SLC28A3: variants seen among roughly 807,000 people sequenced by gnomAD.
SLC28A3 encodes concentrative Na(+)-nucleoside cotransporter 3.
Under a neutral mutation model 84.2 loss-of-function variants are expected in SLC28A3, and 68 were observed. The observed-to-expected ratio is 0.81, with a 90% confidence interval of 0.66 to 0.99. The LOEUF (loss-of-function observed/expected upper bound fraction) is 0.99, where lower values mean the gene tolerates loss of function less well. Among genes scored for constraint, SLC28A3 ranks in the 50% least tolerant of loss-of-function variants. The pLI is 0.00. For missense variants in SLC28A3, 712 were observed against 841.5 expected, an observed-to-expected ratio of 0.85 and a Z score of 1.90; for synonymous variants, 267 against 303.6, an observed-to-expected ratio of 0.88 and a Z score of 1.25.
Position 84,329,575 on chromosome 9 carries a change from A to G in SLC28A3, c.60+10999T>C, listed in dbSNP as rs892864310. ...ATGAGGAAATTAAGCACACTCCTAA[A>G]TAACCAATGGATTAAAGAAGAAATC... On this transcript the variant is annotated intron_variant, in intron 1 of 17. Coordinates refer to ENST00000376238, the MANE Select transcript of SLC28A3 (RefSeq NM_001199633.2). 3.9e-5 allele frequency among the ~76,000 whole-genome samples: 6 copies of G among 152,332 alleles called. No individual in the cohort carries two copies. The South Asian group carries it at 8.3e-4, about 21-fold the overall frequency.
chr9:84,336,911 T>C (rs1011406997), intron 1 of SLC28A3, among the ~76,000 whole-genome samples: 5 of 152,172 alleles, frequency 3.3e-5, no homozygotes, highest in African/African-American at 1.2e-4. Context: ...CTGACCATCC[T>C]TAAAGCCCTA....
intron 6 of SLC28A3, among the ~76,000 whole-genome samples, chr9:84,298,578 T>C (rs117077680): frequency 6.6e-6 from 1 of 152,190 alleles, no homozygotes; most frequent in African/African-American, 2.4e-5. Context: ...TAAGTAACCA[T>C]TATGTCCTGA....
At chr9:84,308,519 C>G (rs1200084951) in intron 3 of SLC28A3, among the ~76,000 whole-genome samples, 1 of 151,584 alleles carries the variant, frequency 6.6e-6, no homozygotes, top group African/African-American at 2.4e-5. Flanking sequence ...GCACTCCAGC[C>G]TGGGCAACAG....
chr9:84,329,620 A>T (rs1035895670), intron 1 of SLC28A3, among the ~76,000 whole-genome samples: 3 of 152,124 alleles, frequency 2.0e-5, no homozygotes, highest in African/African-American at 7.2e-5. Context: ...GTTAGAAAAT[A>T]GTTTGATAAT....
At position 84,325,443 on chromosome 9, in the gene SLC28A3, C is replaced by T. The variant is rs560222649; in HGVS notation, c.61-11989G>A. Among the ~76,000 whole-genome samples, 6 of 152,248 alleles carry T rather than the reference C, an allele frequency of 3.9e-5. No homozygotes were observed. The South Asian group carries it at 8.3e-4, about 21-fold the overall frequency. ...ATTTTAAATGTTCATTTGAAATGTT[C>T]GGAAGATGGAGTGACTCCCTGACCC... On this transcript the variant is annotated intron_variant, in intron 1 of 17. Transcript: ENST00000376238.
intron 1 of SLC28A3, among the ~76,000 whole-genome samples, chr9:84,319,268 C>G (rs1056699760): frequency 6.6e-6 from 1 of 152,142 alleles, no homozygotes; most frequent in Non-Finnish European, 1.5e-5. Flanking sequence ...TTAACCATAT[C>G]AAGAATAAGA....
At chr9:84,336,375 A>G (rs1738667225) in intron 1 of SLC28A3, among the ~76,000 whole-genome samples, 1 of 152,116 alleles carries the variant, frequency 6.6e-6, no homozygotes. Context: ...GTGGTGGCAT[A>G]TGCCTGTAAA....
rs1163462636 is a variant in SLC28A3, at chr9:84,288,080, T to A, written c.1248A>T (p.Ile416=). 15 of 1,613,976 alleles carry A rather than the reference T, an allele frequency of 9.3e-6. No homozygotes were observed. Among genetic ancestry groups the A allele is most frequent in the Non-Finnish European group, 1.2e-5 (14 of 1,179,960 alleles). The change falls in exon 12 of 18, where the codon ATA becomes ATT. Residue 416 remains isoleucine, a synonymous_variant. Transcript: ENST00000376238. ...LFWPETEKPK[I]TLKNAMKMES... is the part of the protein sequence containing the mutation. ...CCATTTTCATGGCATTCTTGAGGGTTATTTTAGGTTTTTCTGTCTCAGGCC... is the reference window on the plus strand; with the variant it reads ...CCATTTTCATGGCATTCTTGAGGGTAATTTTAGGTTTTTCTGTCTCAGGCC...
intron 1 of SLC28A3, among the ~76,000 whole-genome samples, chr9:84,326,645 C>CAACAAA (rs1826561435): frequency 3.5e-5 from 1 of 28,858 alleles, no homozygotes; most frequent in Non-Finnish European, 1.1e-4. Context: ...ACAACAACAA[C>CAACAAA]AACAACAACA....
intron 1 of SLC28A3, among the ~76,000 whole-genome samples, chr9:84,314,919 A>C (rs1473015672): frequency 1.3e-5 from 2 of 152,214 alleles, no homozygotes; most frequent in African/African-American, 4.8e-5. Flanking sequence ...TCTACTAAAA[A>C]TACAAACATT....
chr9:84,333,176 G>A, intron 1 of SLC28A3, among the ~76,000 whole-genome samples: 1 of 152,184 alleles, frequency 6.6e-6, no homozygotes. Context: ...TTTTACATAA[G>A]ATAATACAGA....
intron 1 of SLC28A3, among the ~76,000 whole-genome samples, chr9:84,326,715 A>G (rs1443288663): frequency 1.3e-5 from 2 of 152,162 alleles, no homozygotes; most frequent in Non-Finnish European, 2.9e-5. Context: ...ATCAAAACAT[A>G]ACACCTCAGG....
Position 84,287,846 on chromosome 9 carries a change from TA to T in SLC28A3, c.1280+201del, listed in dbSNP as rs1488588762. Among the ~76,000 whole-genome samples the T allele has an allele frequency of 2.0e-5, 3 of 152,252 alleles. No individual in the cohort carries two copies. The East Asian group carries it at 5.8e-4, about 29-fold the overall frequency. On this transcript the variant is annotated intron_variant, in intron 12 of 17. Coordinates refer to ENST00000376238, the MANE Select transcript of SLC28A3 (RefSeq NM_001199633.2). ...TCCAGCTTGAGTGACAGAGCAACTT[TA>T]AAAAAGTCTTTTTTGAGCAAGACTC... is the stretch of plus-strand genomic sequence containing the variant.
chr9:84,293,215 T>C (rs2118194393), intron 9 of SLC28A3, among the ~76,000 whole-genome samples: 1 of 152,348 alleles, frequency 6.6e-6, no homozygotes, highest in East Asian at 1.9e-4. Context: ...CACCCATATG[T>C]AGCAGGATGT....
At chr9:84,368,037 G>A in the SLC28A3 span, among the ~76,000 whole-genome samples, 30 of 152,074 alleles carry the variant, frequency 2.0e-4, no homozygotes, top group Non-Finnish European at 3.4e-4. Flanking sequence ...CGGGTTGGGG[G>A]ATGGTAAGGT....
intron 12 of SLC28A3, among the ~76,000 whole-genome samples, chr9:84,286,658 C>T (rs1464214893): frequency 6.6e-6 from 1 of 151,788 alleles, no homozygotes; most frequent in Non-Finnish European, 1.5e-5. Flanking sequence ...CAAGTAGCTG[C>T]CAGAGAATAG....
chr9:84,348,370 A>C, the SLC28A3 span, among the ~76,000 whole-genome samples: 27 of 152,026 alleles, frequency 1.8e-4, no homozygotes, highest in East Asian at 3.7e-3. Context: ...AAAAAAAAAA[A>C]AATGCAGGCT....
chr9:84,280,175 T>TC, intron 15 of SLC28A3, 102 bp from the exon 16 acceptor site: 1 of 375,034 alleles, frequency 2.7e-6, no homozygotes, highest in East Asian at 7.6e-5. Flanking sequence ...GTCAGCTGAC[T>TC]TTTTTTTTTT....
rs187090359 is a variant in SLC28A3, at chr9:84,276,074, A to C, written c.*2144T>G. The C allele has an allele frequency of 2.0e-5, 3 of 152,166 alleles. No homozygotes were observed. The highest frequency in any genetic ancestry group is 4.4e-5 in the Non-Finnish European group (3 of 68,032). 9.4% of individuals were successfully genotyped at this position (152,166 alleles called of 1,614,324 possible). ...TGAAATATGGAGTAACCAAGTAACA[A>C]ATTTTTAAATTTAAAACTGATACTC... On this transcript the variant is annotated 3_prime_UTR_variant, in exon 18 of 18. Coordinates refer to ENST00000376238, the MANE Select transcript of SLC28A3 (RefSeq NM_001199633.2).
Sources: gnomAD v4.1 joint callset for allele counts (sites outside exome capture counted in the v4.1 genomes callset) on GRCh38, gnomAD v4.1.1 for gene constraint, MANE v1.5 for transcripts, NCBI Gene and HGNC (gene_info 2026-07-23, HGNC 2026-07-21) for gene names.